PRR5L: variants seen among roughly 807,000 people sequenced by gnomAD.
PRR5L encodes proline-rich protein 5-like.
PRR5L carries 21 observed loss-of-function variants against 36.4 expected under a neutral mutation model. The observed-to-expected ratio is 0.58, with a 90% confidence interval of 0.41 to 0.83. The LOEUF (loss-of-function observed/expected upper bound fraction) is 0.83, where lower values mean the gene tolerates loss of function less well. PRR5L is among the 40% of genes least tolerant of loss of function. The probability of loss-of-function intolerance (pLI) is 0.00; values close to 1 mark genes in which losing one functional copy is unlikely to be tolerated. For synonymous variants in PRR5L, 188 were observed against 197.0 expected (o/e 0.95, Z 0.38); for missense variants, 381 against 473.3 (o/e 0.80, Z 1.81).
chr11:36,454,786 T>C (rs1439805450), intron 8 of PRR5L: 1 of 152,444 alleles, frequency 6.6e-6, no homozygotes, highest in East Asian at 1.9e-4. Context: ...TCTCCGGAGG[T>C]GTCCCTTCCT....
chr11:36,428,031 A>G (rs746418744), intron 4 of PRR5L, among the ~76,000 whole-genome samples: 2 of 152,250 alleles, frequency 1.3e-5, no homozygotes, highest in Non-Finnish European at 2.9e-5. Flanking sequence ...CTGCCAGTCC[A>G]GGGAGTGCAG....
intron 1 of PRR5L, among the ~76,000 whole-genome samples, chr11:36,370,269 T>A (rs927339610): frequency 6.6e-6 from 1 of 152,214 alleles, no homozygotes; most frequent in Non-Finnish European, 1.5e-5. Context: ...AAATGCCTCT[T>A]TTCATCATTT....
rs192706200 is a variant in PRR5L, at chr11:36,359,304, G to C, written c.-125-41693G>C. Among the ~76,000 whole-genome samples the C allele has an allele frequency of 2.4e-3, 362 of 152,296 alleles. 2 individuals are homozygous for C. The highest frequency in any genetic ancestry group is 5.0e-3 in the South Asian group (24 of 4,824). On this transcript the variant is annotated intron_variant, in intron 1 of 8. Coordinates refer to ENST00000530639, the MANE Select transcript of PRR5L (RefSeq NM_001160167.2). ...CCTCTTATTGAAAGATTTTGTCTTA[G>C]CGTGGGAGAGAGGCCACAGTCACTT...
chr11:36,384,572 C>T (rs533117302), intron 1 of PRR5L, among the ~76,000 whole-genome samples: 13 of 152,330 alleles, frequency 8.5e-5, no homozygotes, highest in African/African-American at 2.9e-4. Flanking sequence ...TTCTGAGCCT[C>T]TATTCAATGC....
At chr11:36,298,499 C>G (rs1476044717) in intron 1 of PRR5L, among the ~76,000 whole-genome samples, 1 of 152,078 alleles carries the variant, frequency 6.6e-6, no homozygotes, top group East Asian at 1.9e-4. Context: ...CAAACTAGAC[C>G]CCTCACATGC....
chr11:36,382,190 A>T (rs1298482163), intron 1 of PRR5L, among the ~76,000 whole-genome samples: 3 of 152,188 alleles, frequency 2.0e-5, no homozygotes, highest in Non-Finnish European at 4.4e-5. Context: ...CAAGGTTGGT[A>T]TCAACTTTTC....
In PRR5L at chr11:36,462,396, C is replaced by G; in HGVS notation, c.767C>G (p.Pro256Arg). 2.6e-6 allele frequency: 4 copies of G among 1,560,042 alleles called. No homozygotes were observed. Among genetic ancestry groups the G allele is most frequent in the Non-Finnish European group, 2.6e-6 (3 of 1,150,588 alleles). Residue 256 changes from proline (P) to arginine (R), a missense_variant, in exon 9 of 9, where the codon CCG (proline) becomes CGG (arginine). Coordinates refer to ENST00000530639, the MANE Select transcript of PRR5L (RefSeq NM_001160167.2). ...GTGACTGTCCTGAACTATGCCTCCC[C>G]GATAACCGCAGTCAGCCGGCCACTG... is the stretch of plus-strand genomic sequence containing the variant. ...PKVTVLNYAS[P>R]ITAVSRPLNE...
intron 6 of PRR5L, 73 bp from the exon 7 acceptor site, chr11:36,446,227 T>C: frequency 6.5e-7 from 1 of 1,542,132 alleles, no homozygotes; most frequent in Non-Finnish European, 8.8e-7. Flanking sequence ...ATGTGTTGTC[T>C]TGAACCCCAC....
intron 4 of PRR5L, among the ~76,000 whole-genome samples, chr11:36,427,646 C>A (rs1308618410): frequency 6.6e-6 from 1 of 152,188 alleles, no homozygotes; most frequent in African/African-American, 2.4e-5. Context: ...CGCCTTCAAC[C>A]CATTTGAGCA....
chr11:36,301,947 T>A (rs549634252), intron 1 of PRR5L, among the ~76,000 whole-genome samples: 9 of 152,326 alleles, frequency 5.9e-5, no homozygotes, highest in African/African-American at 2.2e-4. Flanking sequence ...TCATGATGTC[T>A]GTAATTTACT....
chr11:36,461,991 CTCAG>C (rs1859195414), intron 8 of PRR5L, among the ~76,000 whole-genome samples: 1 of 152,162 alleles, frequency 6.6e-6, no homozygotes, highest in African/African-American at 2.4e-5. Flanking sequence ...TGCTCAGGTC[CTCAG>C]AGGACATTGA....
chr11:36,343,717 G>A (rs953761862), intron 1 of PRR5L, among the ~76,000 whole-genome samples: 6 of 152,078 alleles, frequency 3.9e-5, no homozygotes, highest in South Asian at 4.1e-4. Flanking sequence ...CTAAGTATAC[G>A]TACATAAGGT....
At chr11:36,364,054 G>C (rs537032829) in intron 1 of PRR5L, among the ~76,000 whole-genome samples, 29 of 152,248 alleles carry the variant, frequency 1.9e-4, no homozygotes, top group African/African-American at 6.7e-4. Context: ...ACAGACTAGT[G>C]GGGGCAGAAT....
At chr11:36,412,884 C>CATTAT (rs1398889684) in intron 3 of PRR5L, among the ~76,000 whole-genome samples, 1 of 152,080 alleles carries the variant, frequency 6.6e-6, no homozygotes, top group African/African-American at 2.4e-5. Flanking sequence ...TAACACATAA[C>CATTAT]ATTATGTTTT....
intron 6 of PRR5L, among the ~76,000 whole-genome samples, chr11:36,441,803 C>A (rs1179048403): frequency 6.6e-6 from 1 of 152,176 alleles, no homozygotes; most frequent in African/African-American, 2.4e-5. Context: ...AAGCCTCCTT[C>A]TCTTGTACTC....
chr11:36,436,124 C>T (rs1343180372), intron 5 of PRR5L, among the ~76,000 whole-genome samples: 1 of 152,214 alleles, frequency 6.6e-6, no homozygotes, highest in Admixed American at 6.5e-5. Context: ...TAGTCATGCC[C>T]TTGTTCTATT....
At chr11:36,405,419 C>T (rs1857889267) in intron 3 of PRR5L, among the ~76,000 whole-genome samples, 1 of 152,174 alleles carries the variant, frequency 6.6e-6, no homozygotes, top group South Asian at 2.1e-4. Flanking sequence ...TTGAATATGG[C>T]CAAGAAGCTG....
At chr11:36,347,319 GT>G in intron 1 of PRR5L, among the ~76,000 whole-genome samples, 1 of 152,316 alleles carries the variant, frequency 6.6e-6, no homozygotes. Context: ...GAATGGGACA[GT>G]TTTGACTTGA....
intron 3 of PRR5L, among the ~76,000 whole-genome samples, 156 bp downstream of exon 3, chr11:36,403,534 C>T (rs1263114194): frequency 6.7e-6 from 1 of 149,154 alleles, no homozygotes; most frequent in Non-Finnish European, 1.5e-5. Context: ...ATGGCTGTTG[C>T]GTTCTGAGAC....
Sources: gnomAD v4.1 joint callset for allele counts (sites outside exome capture counted in the v4.1 genomes callset) on GRCh38, gnomAD v4.1.1 for gene constraint, MANE v1.5 for transcripts, NCBI Gene and HGNC (gene_info 2026-07-23, HGNC 2026-07-21) for gene names.